PLCB1: variants seen among roughly 807,000 people sequenced by gnomAD.
PLCB1 encodes phospholipase C beta 1.
Under a neutral mutation model 161.8 loss-of-function variants are expected in PLCB1, and 46 were observed. The ratio of observed to expected loss-of-function variants is 0.28; its 90% CI spans 0.22 to 0.36. PLCB1 has a LOEUF of 0.36. Ranked by LOEUF, PLCB1 falls within the 10% of genes least tolerant of loss-of-function variation. PLCB1 has a pLI of 1.00. For synonymous variants in PLCB1, 517 were observed against 503.7 expected (o/e 1.03, Z -0.35); for missense variants, 1,016 against 1,472.5 (o/e 0.69, Z 5.07).
chr20:8,738,068 C>T lies in PLCB1; in HGVS notation c.2208+876C>T, dbSNP rs536721028. 3.3e-5 allele frequency among the ~76,000 whole-genome samples: 5 copies of T among 152,282 alleles called. No individual in the cohort carries two copies. The South Asian group carries it at 1.0e-3, about 32-fold the overall frequency. On this transcript the variant is annotated intron_variant, in intron 20 of 31. Coordinates refer to ENST00000338037, the MANE Select transcript of PLCB1 (RefSeq NM_015192.4). The stretch of plus-strand genomic sequence containing the variant: ...ATGTTCTTGACATAAGATATAACTG[C>T]ATATTTTAGATGTTTCACACTGAGG...
At chr20:8,600,748 C>T (rs778764474) in intron 3 of PLCB1, 3,724 of 148,056 alleles carry the variant, frequency 0.025, 46 homozygotes, top group Middle Eastern at 0.028. Flanking sequence ...TAGCAACCAG[C>T]GAGACTCCGT....
intron 4 of PLCB1, among the ~76,000 whole-genome samples, chr20:8,641,866 T>G (rs1988966961): frequency 6.6e-6 from 1 of 152,122 alleles, no homozygotes; most frequent in African/African-American, 2.4e-5. Context: ...GTCTCCAAAT[T>G]CCTGATGATC....
chr20:8,602,981 T>C (rs1323817151), intron 3 of PLCB1, among the ~76,000 whole-genome samples: 1 of 152,158 alleles, frequency 6.6e-6, no homozygotes, highest in Non-Finnish European at 1.5e-5. Flanking sequence ...CATTGCTTAC[T>C]TTTGTAAAGC....
chr20:8,206,370 A>G (rs185977230), intron 2 of PLCB1, among the ~76,000 whole-genome samples: 11 of 152,274 alleles, frequency 7.2e-5, no homozygotes, highest in Admixed American at 7.2e-4. Flanking sequence ...CCCCTCAGTT[A>G]AATTTGCTTA....
chr20:8,163,976 T>C (rs1003677222), intron 2 of PLCB1, among the ~76,000 whole-genome samples: 6 of 152,142 alleles, frequency 3.9e-5, no homozygotes, highest in Non-Finnish European at 8.8e-5. Flanking sequence ...ATTTTTACAG[T>C]GGAAAAATGG....
chr20:8,467,014 A>T (rs1447437375), intron 3 of PLCB1, among the ~76,000 whole-genome samples: 1 of 152,140 alleles, frequency 6.6e-6, no homozygotes, highest in Non-Finnish European at 1.5e-5. Flanking sequence ...ATCTCAGCTC[A>T]CTGTAACTTC....
intron 23 of PLCB1, among the ~76,000 whole-genome samples, chr20:8,742,078 G>A (rs1980909869): frequency 6.6e-6 from 1 of 152,030 alleles, no homozygotes. Flanking sequence ...TGTGTGTCCT[G>A]CAAATAATTG....
At chr20:8,535,807 A>G (rs2122933936) in intron 3 of PLCB1, among the ~76,000 whole-genome samples, 1 of 152,310 alleles carries the variant, frequency 6.6e-6, no homozygotes, top group Non-Finnish European at 1.5e-5. Context: ...ATGCTATTTC[A>G]TATATACATT....
chr20:8,753,559 C>G (rs1268076533), intron 23 of PLCB1, among the ~76,000 whole-genome samples: 1 of 152,118 alleles, frequency 6.6e-6, no homozygotes, highest in Admixed American at 6.5e-5. Context: ...GTAAGAAGCT[C>G]CTGGCCCACC....
At chr20:8,159,225 T>G (rs2123047080) in intron 2 of PLCB1, among the ~76,000 whole-genome samples, 1 of 152,306 alleles carries the variant, frequency 6.6e-6, no homozygotes, top group East Asian at 1.9e-4. Context: ...TCTTGACTTC[T>G]GTGCACCCAC....
chr20:8,174,218 G>A (rs2051760134), intron 2 of PLCB1, among the ~76,000 whole-genome samples: 1 of 151,936 alleles, frequency 6.6e-6, no homozygotes, highest in Non-Finnish European at 1.5e-5. Flanking sequence ...CAAAGGCAAA[G>A]GAAAAAAATC....
chr20:8,858,717 A>G (rs1987149429), intron 31 of PLCB1, among the ~76,000 whole-genome samples: 1 of 152,122 alleles, frequency 6.6e-6, no homozygotes, highest in Non-Finnish European at 1.5e-5. Flanking sequence ...GAATATTTCA[A>G]CAGTGTAAAC....
At chr20:8,149,303 A>G (rs2051485247) in intron 1 of PLCB1, among the ~76,000 whole-genome samples, 1 of 152,124 alleles carries the variant, frequency 6.6e-6, no homozygotes, top group Non-Finnish European at 1.5e-5. Context: ...ATGCACTGAG[A>G]TGGGACAGGC....
At chr20:8,372,222 C>T (rs940442021) in intron 3 of PLCB1, 1 of 152,114 alleles carries the variant, frequency 6.6e-6, no homozygotes, top group Non-Finnish European at 1.5e-5. Flanking sequence ...GAGCTCAATG[C>T]GTCTTTCCAT....
intron 14 of PLCB1, among the ~76,000 whole-genome samples, chr20:8,719,858 TA>T (rs547647385): frequency 6.6e-6 from 1 of 152,014 alleles, no homozygotes; most frequent in African/African-American, 2.4e-5. Context: ...CAATCAGGGT[TA>T]AAAAAAAGTA....
intron 31 of PLCB1, among the ~76,000 whole-genome samples, chr20:8,865,477 T>C (rs925110835): frequency 3.3e-5 from 5 of 152,200 alleles, no homozygotes; most frequent in African/African-American, 1.2e-4. Flanking sequence ...AAAATATGTA[T>C]GTGAGAATGT....
At chr20:8,522,531 T>TCAAGCAGAATG (rs890815493) in intron 3 of PLCB1, among the ~76,000 whole-genome samples, 1 of 151,996 alleles carries the variant, frequency 6.6e-6, no homozygotes, top group African/African-American at 2.4e-5. Context: ...ACACACGTGG[T>TCAAGCAGAATG]CAAGCAGAAT....
chr20:8,525,851 C>T (rs78974095), intron 3 of PLCB1, among the ~76,000 whole-genome samples: 1,620 of 150,648 alleles, frequency 0.011, 34 homozygotes, highest in African/African-American at 0.037. Flanking sequence ...CTTTCTGTAG[C>T]TCTATTCTGT....
intron 3 of PLCB1, among the ~76,000 whole-genome samples, chr20:8,389,996 A>G (rs1987541554): frequency 6.6e-6 from 1 of 152,200 alleles, no homozygotes; most frequent in African/African-American, 2.4e-5. Context: ...ACAGAAAAGC[A>G]TTGAGAATTT....
Sources: gnomAD v4.1 joint callset for allele counts (sites outside exome capture counted in the v4.1 genomes callset) on GRCh38, gnomAD v4.1.1 for gene constraint, MANE v1.5 for transcripts, NCBI Gene and HGNC (gene_info 2026-07-23, HGNC 2026-07-21) for gene names.